PTPRT: variants seen among roughly 807,000 people sequenced by gnomAD.
PTPRT encodes receptor-type tyrosine-protein phosphatase T.
A neutral mutation model predicts 176.8 loss-of-function variants in PTPRT; 56 were observed. That is an observed-to-expected ratio of 0.32 (90% CI 0.26 to 0.40). PTPRT has a LOEUF of 0.40. Ranked by LOEUF, PTPRT falls within the 10% of genes least tolerant of loss-of-function variation. The pLI is 1.00. For missense variants in PTPRT, 1,540 were observed against 1,908.2 expected, an observed-to-expected ratio of 0.81 and a Z score of 3.60; for synonymous variants, 783 against 739.0, an observed-to-expected ratio of 1.06 and a Z score of -0.96.
chr20:42,089,946 T>TGCAC (rs1358034296), intron 27 of PTPRT, among the ~76,000 whole-genome samples: 4 of 152,218 alleles, frequency 2.6e-5, no homozygotes, highest in African/African-American at 9.7e-5. Flanking sequence ...GTGCTGTAGC[T>TGCAC]GCACCTGAAT....
chr20:43,059,188 C>T (rs1987358119), intron 1 of PTPRT, among the ~76,000 whole-genome samples: 3 of 152,196 alleles, frequency 2.0e-5, no homozygotes, highest in African/African-American at 7.2e-5. Context: ...CTGATTCATA[C>T]TAATCTCCTT....
chr20:42,883,418 G>GC (rs1397597475), intron 2 of PTPRT, among the ~76,000 whole-genome samples: 1 of 151,926 alleles, frequency 6.6e-6, no homozygotes, highest in Non-Finnish European at 1.5e-5. Context: ...GAGAAACATG[G>GC]CCCCCCGGTT....
chr20:42,329,741 AG>A (rs2057940799), intron 11 of PTPRT, among the ~76,000 whole-genome samples: 1 of 152,192 alleles, frequency 6.6e-6, no homozygotes, highest in South Asian at 2.1e-4. Flanking sequence ...GACTAAAAAT[AG>A]GGAAAATTTC....
At chr20:42,879,754 TGTGC>T (rs1568655385) in intron 2 of PTPRT, among the ~76,000 whole-genome samples, 1 of 144,282 alleles carries the variant, frequency 6.9e-6, no homozygotes, top group African/African-American at 2.8e-5. Context: ...TGTGTGTGTG[TGTGC>T]GCGTGTGTGT....
intron 10 of PTPRT, among the ~76,000 whole-genome samples, chr20:42,351,369 C>T (rs1433660332): frequency 6.6e-6 from 1 of 152,110 alleles, no homozygotes; most frequent in Non-Finnish European, 1.5e-5. Context: ...CAAATATATC[C>T]AACCACAGGG....
At chr20:43,144,837 T>G (rs1041933027) in intron 1 of PTPRT, among the ~76,000 whole-genome samples, 1 of 152,222 alleles carries the variant, frequency 6.6e-6, no homozygotes, top group African/African-American at 2.4e-5. Context: ...AACACATCAC[T>G]GCTTAAAATT....
chr20:42,676,387 T>C (rs1301940638), intron 7 of PTPRT, among the ~76,000 whole-genome samples: 2 of 152,202 alleles, frequency 1.3e-5, no homozygotes, highest in Admixed American at 6.5e-5. Context: ...GCACTTTCCC[T>C]TGCTGTTTGT....
chr20:42,311,535 G>A (rs2057629237), intron 12 of PTPRT, among the ~76,000 whole-genome samples: 1 of 152,104 alleles, frequency 6.6e-6, no homozygotes, highest in South Asian at 2.1e-4. Context: ...TGCAACAAAT[G>A]CCCATTTCTG....
intron 6 of PTPRT, among the ~76,000 whole-genome samples, chr20:42,735,050 G>A (rs1003912661): frequency 4.6e-5 from 7 of 152,206 alleles, no homozygotes; most frequent in African/African-American, 1.4e-4. Context: ...TGCTCAATAA[G>A]GAATTGGGAT....
At chr20:42,825,673 C>T (rs1466713110) in intron 2 of PTPRT, among the ~76,000 whole-genome samples, 2 of 151,994 alleles carry the variant, frequency 1.3e-5, no homozygotes, top group African/African-American at 4.8e-5. Context: ...TCCAAATGCA[C>T]CAAAATGACA....
At chr20:42,383,661 T>C (rs2058716983) in intron 9 of PTPRT, among the ~76,000 whole-genome samples, 1 of 152,176 alleles carries the variant, frequency 6.6e-6, no homozygotes, top group South Asian at 2.1e-4. Flanking sequence ...AATGCAAGCA[T>C]ATTATATTTT....
At chr20:42,184,518 C>CTTCTTCTTCTTCCT (rs1555797923) in intron 16 of PTPRT, among the ~76,000 whole-genome samples, 4 of 54,472 alleles carry the variant, frequency 7.3e-5, no homozygotes, top group South Asian at 8.1e-4. Flanking sequence ...TCCTCCTCCT[C>CTTCTTCTTCTTCCT]CTTCTTCTTC....
Position 42,315,899 on chromosome 20 carries a change from C to T in PTPRT, c.1963G>A (p.Ala655Thr). The T allele has an allele frequency of 6.2e-7, 1 of 1,614,066 alleles. No individual in the cohort carries two copies. Among genetic ancestry groups the T allele is most frequent in the Non-Finnish European group, 8.5e-7 (1 of 1,180,004 alleles). ...TAGTGTAGAGAATCGAGGCTGGAGG[C>T]ATTCCGATAGCTCACGGGCACCGAA... Reference protein sequence around the residue: ...CFSVPVSYRNASSLDSLHYFA... With the variant: ...CFSVPVSYRNTSSLDSLHYFA... Residue 655 changes from alanine to threonine, a missense_variant, in exon 12 of 31, where the codon GCC (alanine) becomes ACC (threonine). This residue lies in a region of PTPRT where 81 missense variants were observed against 89.9 expected (regional missense o/e 0.90). Transcript: ENST00000373187.
At chr20:42,740,822 G>C (rs528481817) in intron 6 of PTPRT, among the ~76,000 whole-genome samples, 122 of 152,280 alleles carry the variant, frequency 8.0e-4, no homozygotes, top group African/African-American at 2.8e-3. Flanking sequence ...TAGGAGACCA[G>C]AGCTGCCACC....
chr20:42,779,632 C>T (rs186460426), intron 4 of PTPRT, among the ~76,000 whole-genome samples: 1 of 152,272 alleles, frequency 6.6e-6, no homozygotes, highest in East Asian at 1.9e-4. Flanking sequence ...ATATCTGAGA[C>T]TAAATATGGC....
intron 1 of PTPRT, among the ~76,000 whole-genome samples, chr20:42,893,195 C>G (rs995983729): frequency 6.6e-5 from 10 of 152,114 alleles, no homozygotes; most frequent in African/African-American, 2.4e-5. Context: ...CACAAAGTGG[C>G]CAAAGGATAT....
chr20:42,343,444 C>G (rs1056524550), intron 11 of PTPRT, among the ~76,000 whole-genome samples: 9 of 152,214 alleles, frequency 5.9e-5, no homozygotes, highest in African/African-American at 1.9e-4. Context: ...TTACCTCTTA[C>G]AAGTTGTATC....
chr20:42,649,330 C>T (rs1034629355), intron 7 of PTPRT, among the ~76,000 whole-genome samples: 9 of 152,116 alleles, frequency 5.9e-5, no homozygotes, highest in South Asian at 2.1e-4. Context: ...CCTGCCCCCA[C>T]GATTCAATTA....
chr20:42,965,527 T>G (rs1246594604), intron 1 of PTPRT, among the ~76,000 whole-genome samples: 3 of 152,210 alleles, frequency 2.0e-5, no homozygotes, highest in African/African-American at 7.2e-5. Flanking sequence ...AGAATGCCTG[T>G]GTTTAACAAA....
Sources: allele counts gnomAD v4.1 joint callset (sites outside exome capture counted in the v4.1 genomes callset), GRCh38; gene constraint gnomAD v4.1.1; regional missense constraint gnomAD v4.1.1; transcripts MANE v1.5; gene names NCBI Gene and HGNC (gene_info 2026-07-23, HGNC 2026-07-21).